Variants in B3GALT1 observed in about 807,000 individuals in gnomAD.
B3GALT1 encodes the protein UDP-Gal:betaGlcNAc beta 1,3-galactosyltransferase, polypeptide 1.
In B3GALT1, 10 loss-of-function variants were observed where a neutral mutation model predicts 23.2. The observed-to-expected ratio is 0.43, with a 90% CI of 0.27 to 0.73. The LOEUF is 0.73. B3GALT1 is among the 30% of genes least tolerant of loss of function. The probability of loss-of-function intolerance (pLI) is 0.21; values close to 1 mark genes in which losing one functional copy is unlikely to be tolerated. For synonymous variants in B3GALT1, 156 were observed against 141.5 expected (o/e 1.10, Z -0.73); for missense variants, 299 against 405.4 (o/e 0.74, Z 2.25).
Position 167,522,452 on chromosome 2 carries a change from C to A in B3GALT1, c.-410+32175C>A, listed in dbSNP as rs139356807. The stretch of plus-strand genomic sequence containing the variant: ...ACCAGTGAAAATACTGAATTAGCAG[C>A]AGATTGACACATTTTTCTAGATTTT... On this transcript the variant is annotated intron_variant, in intron 2 of 4. Coordinates refer to ENST00000392690, the MANE Select transcript of B3GALT1 (RefSeq NM_020981.4). Among the ~76,000 whole-genome samples, 101 of 152,178 alleles carry A rather than the reference C, an allele frequency of 6.6e-4. No homozygotes were observed. In the East Asian group the frequency reaches 0.017, roughly 25 times the overall value.
chr2:167,423,440 C>T lies in B3GALT1; in HGVS notation c.-510-66737C>T, dbSNP rs1480270090. ...TGAGAAAGAATCTGTGGACTTTCTA[C>T]TCGCAATCCACCAGGACCGATCTAT... On this transcript the variant is annotated intron_variant, in intron 1 of 4. Transcript: ENST00000392690. 2.6e-5 allele frequency among the ~76,000 whole-genome samples: 4 copies of T among 152,158 alleles called. No homozygotes were observed. In the East Asian group the frequency reaches 5.8e-4, roughly 22 times the overall value.
At chr2:167,310,218 C>T (rs1696615095) in intron 1 of B3GALT1, among the ~76,000 whole-genome samples, 1 of 150,880 alleles carries the variant, frequency 6.6e-6, no homozygotes, top group African/African-American at 2.4e-5. Flanking sequence ...ATTTTTTTTT[C>T]AACAGGGCAC....
chr2:167,390,792 C>CTGAA (rs142085694), intron 1 of B3GALT1, among the ~76,000 whole-genome samples: 119,613 of 151,190 alleles, frequency 0.79, 49,727 homozygotes, highest in East Asian at 0.93. Context: ...TAGTAAATAT[C>CTGAA]TGAATGAATG....
At chr2:167,383,451 G>T (rs1444244202) in intron 1 of B3GALT1, among the ~76,000 whole-genome samples, 1 of 152,062 alleles carries the variant, frequency 6.6e-6, no homozygotes, top group Non-Finnish European at 1.5e-5. Context: ...TTTCATCCTG[G>T]ATAACGCCTA....
chr2:167,419,044 T>C (rs1312566411), intron 1 of B3GALT1, among the ~76,000 whole-genome samples: 2 of 152,178 alleles, frequency 1.3e-5, no homozygotes, highest in Non-Finnish European at 2.9e-5. Context: ...TTTTTTACTA[T>C]ACCAGAAAAA....
chr2:167,607,964 A>T (rs1374412640), intron 2 of B3GALT1, among the ~76,000 whole-genome samples: 1 of 152,122 alleles, frequency 6.6e-6, no homozygotes, highest in Non-Finnish European at 1.5e-5. Context: ...TCCCAATTAT[A>T]CTGTGACATT....
chr2:167,709,183 A>G (rs13408808), intron 3 of B3GALT1, among the ~76,000 whole-genome samples: 19,884 of 152,198 alleles, frequency 0.13, 1,639 homozygotes, highest in East Asian at 0.39. Flanking sequence ...ACAAAAGGAG[A>G]TGTTTTTGCC....
chr2:167,361,406 T>G (rs183622875), intron 1 of B3GALT1, among the ~76,000 whole-genome samples: 1 of 152,172 alleles, frequency 6.6e-6, no homozygotes, highest in African/African-American at 2.4e-5. Context: ...TCTCCTTAAT[T>G]ATTACAGAAA....
chr2:167,596,765 A>AAC (rs1226877959), intron 2 of B3GALT1, among the ~76,000 whole-genome samples: 1 of 152,232 alleles, frequency 6.6e-6, no homozygotes, highest in Non-Finnish European at 1.5e-5. Flanking sequence ...TTTTAAAGGA[A>AAC]ACGTAGATGG....
intron 1 of B3GALT1, among the ~76,000 whole-genome samples, chr2:167,402,363 A>G (rs1220161721): frequency 6.6e-6 from 1 of 152,122 alleles, no homozygotes; most frequent in Non-Finnish European, 1.5e-5. Context: ...AAGTCAAAAT[A>G]CCTATCAAAT....
At chr2:167,569,856 G>A (rs919753607) in intron 2 of B3GALT1, among the ~76,000 whole-genome samples, 95 of 151,954 alleles carry the variant, frequency 6.3e-4, no homozygotes, top group African/African-American at 2.2e-3. Flanking sequence ...TTTACTGAGA[G>A]TTTTTATCAT....
Position 167,703,998 on chromosome 2 carries a change from G to A in B3GALT1, c.-352+57032G>A, listed in dbSNP as rs566940947. 9.1e-4 allele frequency among the ~76,000 whole-genome samples: 138 copies of A among 151,948 alleles called. 1 individual carries two copies. Among genetic ancestry groups the A allele is most frequent in the African/African-American group, 2.3e-3 (95 of 41,448 alleles). ...AGATCAAGACCTTCCTGGCTAACAC[G>A]GTGAAACCCCGTCTCTACTAAAAAT... On this transcript the variant is annotated intron_variant, in intron 3 of 4. Transcript: ENST00000392690.
chr2:167,558,964 C>T (rs940052548), intron 2 of B3GALT1, among the ~76,000 whole-genome samples: 15 of 152,306 alleles, frequency 9.8e-5, no homozygotes, highest in African/African-American at 2.6e-4. Context: ...AGTGGTTCTC[C>T]CAGCACGCAG....
At chr2:167,573,404 C>G (rs1684331509) in intron 2 of B3GALT1, among the ~76,000 whole-genome samples, 1 of 151,724 alleles carries the variant, frequency 6.6e-6, no homozygotes, top group Non-Finnish European at 1.5e-5. Flanking sequence ...TTAATTGCCA[C>G]TCATAATTGC....
intron 3 of B3GALT1, among the ~76,000 whole-genome samples, chr2:167,648,049 T>G (rs1045796431): frequency 4.6e-5 from 7 of 152,154 alleles, no homozygotes; most frequent in Non-Finnish European, 1.0e-4. Context: ...TCCTTTTAAT[T>G]AATCTGCCAC....
intron 4 of B3GALT1, among the ~76,000 whole-genome samples, chr2:167,839,487 C>A (rs1689580243): frequency 6.6e-6 from 1 of 152,204 alleles, no homozygotes; most frequent in African/African-American, 2.4e-5. Context: ...TGAAGGACCT[C>A]TTCAAGGAGA....
intron 3 of B3GALT1, among the ~76,000 whole-genome samples, chr2:167,730,439 A>AG (rs928311741): frequency 3.3e-5 from 5 of 152,302 alleles, no homozygotes; most frequent in African/African-American, 1.2e-4. Context: ...ATATTTGTCT[A>AG]GTACTTTACA....
chr2:167,341,410 C>G (rs1278810048), intron 1 of B3GALT1, among the ~76,000 whole-genome samples: 13 of 152,066 alleles, frequency 8.5e-5, no homozygotes, highest in Admixed American at 7.2e-4. Flanking sequence ...ACCTGTAATC[C>G]CAGCACTTTG....
chr2:167,817,271 T>C (rs893550132), intron 3 of B3GALT1, among the ~76,000 whole-genome samples: 4 of 152,176 alleles, frequency 2.6e-5, no homozygotes, highest in Non-Finnish European at 4.4e-5. Context: ...ACTAAGAGGA[T>C]TGTGGAGATG....
Sources: gnomAD v4.1 joint callset for allele counts (sites outside exome capture counted in the v4.1 genomes callset) on GRCh38, gnomAD v4.1.1 for gene constraint, MANE v1.5 for transcripts, NCBI Gene and HGNC (gene_info 2026-07-23, HGNC 2026-07-21) for gene names.